Variants in LRP12 observed in about 807,000 individuals in gnomAD.
The protein encoded by LRP12 is low-density lipoprotein receptor-related protein 12.
LRP12 carries 14 observed loss-of-function variants against 66.0 expected under a neutral mutation model. The ratio of observed to expected loss-of-function variants is 0.21; its 90% confidence interval spans 0.14 to 0.33. The LOEUF is 0.33. Among genes scored for constraint, LRP12 ranks in the 10% least tolerant of loss-of-function variants. The pLI is 1.00. For missense variants in LRP12, 889 were observed against 1,053.4 expected, an observed-to-expected ratio of 0.84 and a Z score of 2.16; for synonymous variants, 357 against 359.1, an observed-to-expected ratio of 0.99 and a Z score of 0.07.
intron 2 of LRP12, among the ~76,000 whole-genome samples, chr8:104,519,319 T>C (rs1226568044): frequency 6.6e-6 from 1 of 152,032 alleles, no homozygotes. Context: ...AAGATTTCCT[T>C]AGAATTACTC....
In LRP12 at chr8:104,516,911, G is replaced by C. The variant is rs190290650; in HGVS notation, c.137-7837C>G. Among the ~76,000 whole-genome samples the C allele has an allele frequency of 3.5e-4, 53 of 152,020 alleles. No individual in the cohort carries two copies. In the East Asian group the frequency reaches 9.5e-3, roughly 27 times the overall value. ...TATAATTTCCTGCTCCACAGATGAA[G>C]AACTGGGTTTTTTAAAACTGACAAG... On this transcript the variant is annotated intron_variant, in intron 2 of 6. Coordinates refer to ENST00000276654, the MANE Select transcript of LRP12 (RefSeq NM_013437.5).
intron 1 of LRP12, chr8:104,566,188 G>A: frequency 1.5e-6 from 1 of 668,178 alleles, no homozygotes; most frequent in South Asian, 2.2e-5. Flanking sequence ...TGATGTTCTT[G>A]AGCAAATCCC....
At chr8:104,500,756 G>T (rs959380433) in intron 3 of LRP12, among the ~76,000 whole-genome samples, 4 of 152,092 alleles carry the variant, frequency 2.6e-5, no homozygotes, top group African/African-American at 9.7e-5. Context: ...ATACATGTAC[G>T]TATCTCTCTT....
chr8:104,564,857 TG>T (rs1811972456), intron 1 of LRP12, among the ~76,000 whole-genome samples: 1 of 151,256 alleles, frequency 6.6e-6, no homozygotes, highest in Non-Finnish European at 1.5e-5. Context: ...CACTTGAACC[TG>T]GGAAGTCGAG....
intron 1 of LRP12, among the ~76,000 whole-genome samples, chr8:104,555,903 T>A (rs1240350343): frequency 2.0e-5 from 3 of 152,040 alleles, no homozygotes; most frequent in African/African-American, 7.2e-5. Flanking sequence ...ATAGACCAAA[T>A]GAAAGGCCAC....
At chr8:104,578,685 ACTT>A (rs1414534005) in intron 1 of LRP12, among the ~76,000 whole-genome samples, 2 of 152,182 alleles carry the variant, frequency 1.3e-5, no homozygotes, top group African/African-American at 4.8e-5. Flanking sequence ...CTCAAAAAAT[ACTT>A]GCAAACCAAA....
intron 3 of LRP12, chr8:104,505,401 T>G (rs1361827887): frequency 2.5e-5 from 3 of 120,480 alleles, no homozygotes; most frequent in African/African-American, 1.4e-4. Context: ...CTTCTTTCCT[T>G]TTTTTTTTTT....
chr8:104,532,007 T>A, intron 1 of LRP12, 44 bp from the exon 2 acceptor site: 2 of 1,348,258 alleles, frequency 1.5e-6, no homozygotes, highest in Non-Finnish European at 2.1e-6. Flanking sequence ...AAGATAAAAT[T>A]ACAAAATTTT....
rs1314084172 is a variant in LRP12, at chr8:104,522,466, TAAGA to T, written c.136+9437_136+9440del. Among the ~76,000 whole-genome samples the T allele has an allele frequency of 2.6e-5, 4 of 152,224 alleles. No homozygotes were observed. The South Asian group carries it at 6.2e-4, about 24-fold the overall frequency. On this transcript the variant is annotated intron_variant, in intron 2 of 6. Transcript: ENST00000276654. Reference sequence around the variant, plus strand: ...TAATTCAGTTAATATGAATACGGATTAAGAAAGAAACTTCCTAAGTAAATATTCT... The same window carrying T: ...TAATTCAGTTAATATGAATACGGATTAAGAAACTTCCTAAGTAAATATTCT...
In LRP12 at chr8:104,509,080, A is replaced by T. The variant is rs751052269; in HGVS notation, c.137-6T>A. The T allele has an allele frequency of 1.2e-6, 2 of 1,611,100 alleles. No homozygotes were observed. Among genetic ancestry groups the T allele is most frequent in the African/African-American group, 2.7e-5 (2 of 74,810 alleles). On this transcript the variant is annotated splice_region_variant and splice_polypyrimidine_tract_variant and intron_variant, in intron 2 of 6. Transcript: ENST00000276654. ...CTCTGGAGTCTCTCCACAAGCTGGAAGATAGCCAAAGCAATCTTTCCTTAT... is the reference window on the plus strand; with the variant it reads ...CTCTGGAGTCTCTCCACAAGCTGGATGATAGCCAAAGCAATCTTTCCTTAT...
chr8:104,554,733 CTT>C (rs956311249), intron 1 of LRP12, among the ~76,000 whole-genome samples: 5 of 152,098 alleles, frequency 3.3e-5, no homozygotes, highest in African/African-American at 1.2e-4. Context: ...ACTTCCCTGA[CTT>C]TGCTAGAGAT....
At chr8:104,547,634 ATATATATTAATAATTAAAAT>A (rs1811609927) in intron 1 of LRP12, among the ~76,000 whole-genome samples, 1 of 125,366 alleles carries the variant, frequency 8.0e-6, no homozygotes, top group Non-Finnish European at 1.6e-5. Context: ...TATATAATAA[ATATATATTAATAATTAAAAT>A]ATAATATAAT....
Position 104,531,921 on chromosome 8 carries a change from G to A in LRP12, c.122C>T (p.Ser41Leu). The A allele has an allele frequency of 2.5e-6, 4 of 1,593,446 alleles. No homozygotes were observed. Among genetic ancestry groups the A allele is most frequent in the Non-Finnish European group, 3.4e-6 (4 of 1,170,224 alleles). The part of the protein sequence containing the change: ...LAEHSENVHI[S>L]GVSTACGETP... ...AAATGACTTACCAGTTGACACTCCT[G>A]AAATATGCACATTTTCAGAATGTTC... The change falls in exon 2 of 7, where the codon TCA becomes TTA. Residue 41 changes from serine to leucine, a missense_variant. By Grantham distance (145) the Ser-to-Leu change is moderately radical. Around this residue, in one of 3 missense-constraint regions of LRP12, gnomAD observed 88 missense variants for 72.5 expected, o/e 1.21. Transcript: ENST00000276654.
intron 1 of LRP12, among the ~76,000 whole-genome samples, chr8:104,538,032 C>T (rs957759145): frequency 6.6e-6 from 1 of 152,174 alleles, no homozygotes; most frequent in Non-Finnish European, 1.5e-5. Context: ...TCATCACTTG[C>T]AACCAAAAGC....
In LRP12 at chr8:104,536,788, A is replaced by G. The variant is rs369970766; in HGVS notation, c.80-4825T>C. On this transcript the variant is annotated intron_variant, in intron 1 of 6. Transcript: ENST00000276654. ...GTAAAACTGTGTCCATGTGCAGATT[A>G]TATCTACTTGGAAAACCCAAGACAG... Among the ~76,000 whole-genome samples, 9 of 152,220 alleles carry G rather than the reference A, an allele frequency of 5.9e-5. No individual in the cohort carries two copies. In the East Asian group the frequency reaches 1.2e-3, roughly 20 times the overall value.
At chr8:104,509,537 T>C (rs1425887498) in intron 2 of LRP12, among the ~76,000 whole-genome samples, 2 of 152,216 alleles carry the variant, frequency 1.3e-5, no homozygotes, top group African/African-American at 2.4e-5. Flanking sequence ...ATCTCACTTA[T>C]CAGATCAACT....
chr8:104,539,970 C>T (rs72679141), intron 1 of LRP12, among the ~76,000 whole-genome samples: 320 of 152,204 alleles, frequency 2.1e-3, no homozygotes, highest in Non-Finnish European at 3.9e-3. Flanking sequence ...GGCTTGATAG[C>T]GGAGGCCTCA....
chr8:104,518,744 T>C (rs1467698637), intron 2 of LRP12, among the ~76,000 whole-genome samples: 3 of 152,066 alleles, frequency 2.0e-5, no homozygotes, highest in African/African-American at 4.8e-5. Context: ...AACAGCATTC[T>C]AGAACCTACT....
rs777489434 is a variant in LRP12, at chr8:104,491,264, A to T, written c.1989T>A (p.Asp663Glu). Reference protein sequence around the residue: ...DDTDTENERRDMAGASGGVAA... With the variant: ...DDTDTENERREMAGASGGVAA... ...CAACCCCACCAGATGCTCCTGCCAT[A>T]TCTCTTCTCTCATTTTCTGTGTCTG... is the stretch of plus-strand genomic sequence containing the variant. Residue 663 changes from aspartate to glutamate, a missense_variant, in exon 7 of 7, where the codon GAT becomes GAA. Transcript: ENST00000276654. 3.3e-5 allele frequency: 53 copies of T among 1,614,088 alleles called. No individual in the cohort carries two copies. The highest frequency in any genetic ancestry group is 4.5e-5 in the Non-Finnish European group (53 of 1,180,026).
Sources: gnomAD v4.1 joint callset for allele counts (sites outside exome capture counted in the v4.1 genomes callset) on GRCh38, gnomAD v4.1.1 for gene constraint, gnomAD v4.1.1 regional missense constraint, MANE v1.5 for transcripts, NCBI Gene and HGNC (gene_info 2026-07-23, HGNC 2026-07-21) for gene names.